GFI1: variants seen among roughly 807,000 people sequenced by gnomAD.
The protein encoded by GFI1 is growth factor independent 1 transcriptional repressor, also known as zinc finger protein Gfi-1.
In GFI1, 15 loss-of-function variants were observed where a neutral mutation model predicts 39.2. The observed-to-expected ratio is 0.38, with a 90% CI of 0.26 to 0.59. The LOEUF is 0.59. Ranked by LOEUF, GFI1 falls within the 20% of genes least tolerant of loss-of-function variation. The pLI is 0.62. For missense variants in GFI1, 475 were observed against 574.0 expected, an observed-to-expected ratio of 0.83 and a Z score of 1.76; for synonymous variants, 239 against 254.3, an observed-to-expected ratio of 0.94 and a Z score of 0.57.
rs151227933 is a variant in GFI1 at position 92,473,651 on chromosome 1, GC to G, written c.*2377del. 5.7e-3 allele frequency among the ~76,000 whole-genome samples: 863 copies of G among 152,286 alleles called. 7 individuals carry two copies. Among genetic ancestry groups the G allele is most frequent in the African/African-American group, 0.018 (757 of 41,544 alleles). On this transcript the variant is annotated 3_prime_UTR_variant, in exon 7 of 7. Transcript: ENST00000294702. Reference sequence around the variant, plus strand: ...GAAACCAGAGAAAAGCAGCATTCAAGCCCCCCTTTCCTGCCAACCTGGAGAG... The same window carrying G: ...GAAACCAGAGAAAAGCAGCATTCAAGCCCCCTTTCCTGCCAACCTGGAGAG...
At chr1:92,479,177 T>C (rs1368392487) in intron 5 of GFI1, among the ~76,000 whole-genome samples, 2 of 152,202 alleles carry the variant, frequency 1.3e-5, no homozygotes, top group Admixed American at 6.5e-5. Flanking sequence ...TTCAACACTT[T>C]TTCTACCAAA....
chr1:92,479,015 G>T (rs1355070407), intron 5 of GFI1, among the ~76,000 whole-genome samples: 1 of 152,062 alleles, frequency 6.6e-6, no homozygotes, highest in Non-Finnish European at 1.5e-5. Context: ...ACAGGCACAC[G>T]CCATCACACC....
chr1:92,479,961 T>G (rs1331524493), intron 5 of GFI1, among the ~76,000 whole-genome samples: 1 of 151,648 alleles, frequency 6.6e-6, no homozygotes, highest in African/African-American at 2.4e-5. Context: ...GCCTTTTCAG[T>G]CGAGAGGGGT....
chr1:92,485,388 T>A (rs1053861187), intron 1 of GFI1, among the ~76,000 whole-genome samples: 3 of 152,176 alleles, frequency 2.0e-5, no homozygotes, highest in Non-Finnish European at 4.4e-5. Context: ...CCACGTTGGC[T>A]GGGAGCGGGA....
At chr1:92,479,633 C>T (rs1388211435) in intron 5 of GFI1, among the ~76,000 whole-genome samples, 1 of 152,192 alleles carries the variant, frequency 6.6e-6, no homozygotes, top group Non-Finnish European at 1.5e-5. Flanking sequence ...TGGTGGATCA[C>T]TTGAGGCCAG....
In GFI1 at chr1:92,475,293, G is replaced by T. The variant is rs1325432; in HGVS notation, c.*736C>A. The T allele has an allele frequency of 0.16, 23,697 of 152,440 alleles. 2,055 individuals are homozygous for T. Among genetic ancestry groups the T allele is most frequent in the South Asian group, 0.23 (1,125 of 4,826 alleles). The allele number at this position is 152,440 out of a possible 1,614,324, so 9.4% of individuals were successfully genotyped here. A position where few individuals can be genotyped will look rare whatever the true frequency, so the allele number is the denominator to read the frequency against. On this transcript the variant is annotated 3_prime_UTR_variant, in exon 7 of 7. Coordinates refer to ENST00000294702, the MANE Select transcript of GFI1 (RefSeq NM_005263.5). ...CATCTTGTCCACAGGCATTGCTTGT[G>T]CTTTTACCTCCAGTGATGAGGTTTT...
rs1320128107 is a variant in GFI1, at chr1:92,481,662, G to A, written c.299-574C>T. On this transcript the variant is annotated intron_variant, in intron 3 of 6. Transcript: ENST00000294702. The surrounding 1 kb of genome is among the most constrained non-coding windows in gnomAD (Gnocchi z 4.3). ...GTCTGAATAAACCCGAAGGTATTAA[G>A]ATTTCACGAAGTTAAGTGCCCAGTG... Among the ~76,000 whole-genome samples the A allele has an allele frequency of 6.6e-6, 1 of 152,226 alleles. No homozygotes were observed. The highest frequency in any genetic ancestry group is 1.5e-5 in the Non-Finnish European group (1 of 68,040).
At position 92,474,927 on chromosome 1, in the gene GFI1, G is replaced by C. The variant is rs537406052; in HGVS notation, c.*1102C>G. On this transcript the variant is annotated 3_prime_UTR_variant, in exon 7 of 7. Coordinates refer to ENST00000294702, the MANE Select transcript of GFI1 (RefSeq NM_005263.5). ...ATGGAGGGTCAAAGAGTTGAAGACA[G>C]AGCCTTCCTTCCCACATGCCTGCTA... 6.6e-6 allele frequency: 1 copy of C among 152,456 alleles called. No individual in the cohort carries two copies. Among genetic ancestry groups the C allele is most frequent in the Non-Finnish European group, 1.5e-5 (1 of 68,032 alleles). 9.4% of individuals were successfully genotyped at this position (152,456 alleles called of 1,614,324 possible). A position where few individuals can be genotyped will look rare whatever the true frequency, so the allele number is the denominator to read the frequency against.
At position 92,482,513 on chromosome 1, in the gene GFI1, ATCC is replaced by A. The variant is rs1658307064; in HGVS notation, c.298+348_298+350del. On this transcript the variant is annotated intron_variant, in intron 3 of 6. Coordinates refer to ENST00000294702, the MANE Select transcript of GFI1 (RefSeq NM_005263.5). This position sits in a 1 kb window ranked among gnomAD's most constrained non-coding sequence, Gnocchi z 4.4. The stretch of plus-strand genomic sequence containing the variant: ...GAGGTTTGGGGGTCTAGATTGCAGG[ATCC>A]TAGCACTTTATAAAACAGTCAGGTC... 6.6e-6 allele frequency among the ~76,000 whole-genome samples: 1 copy of A among 152,160 alleles called. No individual in the cohort carries two copies. The highest frequency in any genetic ancestry group is 2.1e-4 in the South Asian group (1 of 4,826).
chr1:92,479,761 G>C (rs925733688), intron 5 of GFI1, among the ~76,000 whole-genome samples: 1 of 152,156 alleles, frequency 6.6e-6, no homozygotes, highest in Non-Finnish European at 1.5e-5. Flanking sequence ...GCTGAGGCAC[G>C]AGAATCACTT....
At chr1:92,476,789 A>T (rs1448272610) in intron 6 of GFI1, among the ~76,000 whole-genome samples, 1 of 151,756 alleles carries the variant, frequency 6.6e-6, no homozygotes. Flanking sequence ...TTTCTTTCTA[A>T]GTTCCGGGGT....
Position 92,474,499 on chromosome 1 carries a change from A to C in GFI1, c.*1530T>G, listed in dbSNP as rs936379992. On this transcript the variant is annotated 3_prime_UTR_variant, in exon 7 of 7. Coordinates refer to ENST00000294702, the MANE Select transcript of GFI1 (RefSeq NM_005263.5). ...TTACTTACGTGCCTGTGGAACCATC[A>C]GGGGCTCTACAAGGTAGTAGCTTAG... 3.9e-5 allele frequency among the ~76,000 whole-genome samples: 6 copies of C among 152,250 alleles called. No individual in the cohort carries two copies. The highest frequency in any genetic ancestry group is 2.0e-4 in the Admixed American group (3 of 15,286).
chr1:92,476,223 G>T lies in GFI1; in HGVS notation c.1091-16C>A. 5.6e-6 allele frequency: 9 copies of T among 1,606,032 alleles called. No individual in the cohort carries two copies. Among genetic ancestry groups the T allele is most frequent in the Non-Finnish European group, 7.7e-6 (9 of 1,175,238 alleles). Reference sequence around the variant, plus strand: ...GGCTTCTCACCTGTGGGGATGGGAGGGGGAGGGGAGAAAGTATGAGTCTAT... The same window carrying T: ...GGCTTCTCACCTGTGGGGATGGGAGTGGGAGGGGAGAAAGTATGAGTCTAT... On this transcript the variant is annotated splice_polypyrimidine_tract_variant and intron_variant, in intron 6 of 6. Transcript: ENST00000294702.
chr1:92,485,972 C>G (rs1255304114), intron 1 of GFI1: 1 of 152,266 alleles, frequency 6.6e-6, no homozygotes, highest in Non-Finnish European at 1.5e-5. Flanking sequence ...CGCGGCCGCC[C>G]CCACCAGGGC....
Position 92,482,472 on chromosome 1 carries a change from G to T in GFI1, c.298+392C>A, listed in dbSNP as rs1309768590. Among the ~76,000 whole-genome samples, 1 of 152,162 alleles carries T rather than the reference G, an allele frequency of 6.6e-6. No individual in the cohort carries two copies. Among genetic ancestry groups the T allele is most frequent in the Non-Finnish European group, 1.5e-5 (1 of 68,036 alleles). ...CTAGCTCCTCTGCCTGGCCCGTTCT[G>T]CCCTGTTCTCTGTTTGAGGTTTGGG... On this transcript the variant is annotated intron_variant, in intron 3 of 6. Transcript: ENST00000294702. This position sits in a 1 kb window ranked among gnomAD's most constrained non-coding sequence, Gnocchi z 4.4.
chr1:92,474,792 A>G lies in GFI1; in HGVS notation c.*1237T>C, dbSNP rs945135165. 1.3e-5 allele frequency: 2 copies of G among 152,642 alleles called. No homozygotes were observed. The highest frequency in any genetic ancestry group is 2.9e-5 in the Non-Finnish European group (2 of 68,044). The allele number at this position is 152,642 out of a possible 1,614,324, so 9.5% of individuals were successfully genotyped here. A position where few individuals can be genotyped will look rare whatever the true frequency, so the allele number is the denominator to read the frequency against. On this transcript the variant is annotated 3_prime_UTR_variant, in exon 7 of 7. Transcript: ENST00000294702. ...TCTTAATACTTTATTAACTTAAAAC[A>G]TCACTCTAATAAATATGTATTAACA...
In GFI1 at chr1:92,480,351, C is replaced by T. The variant is rs1658165613; in HGVS notation, c.921G>A (p.Ser307=). The T allele has an allele frequency of 6.5e-7, 1 of 1,549,244 alleles. No homozygotes were observed. Among genetic ancestry groups the T allele is most frequent in the Non-Finnish European group, 8.7e-7 (1 of 1,146,598 alleles). Residue 307 remains serine, a synonymous_variant, in exon 5 of 7, where the codon TCG becomes TCA. Coordinates refer to ENST00000294702, the MANE Select transcript of GFI1 (RefSeq NM_005263.5). This position sits in a 1 kb window ranked among gnomAD's most constrained non-coding sequence, Gnocchi z 5.6. ...VSLEQHKAVH[S]QERSFDCKIC... is the part of the protein sequence containing the mutation. ...CGGCGGTGCGCCCCGCGCTTACCTG[C>T]GAGTGCACGGCTTTGTGCTGCTCCA... is the stretch of plus-strand genomic sequence containing the variant.
chr1:92,481,285 G>A lies in GFI1; in HGVS notation c.299-197C>T, dbSNP rs1223638291. 6.6e-6 allele frequency among the ~76,000 whole-genome samples: 1 copy of A among 152,242 alleles called. No individual in the cohort carries two copies. The highest frequency in any genetic ancestry group is 2.1e-4 in the South Asian group (1 of 4,834). On this transcript the variant is annotated intron_variant, in intron 3 of 6. Transcript: ENST00000294702. The surrounding 1 kb of genome is among the most constrained non-coding windows in gnomAD (Gnocchi z 4.3). Reference sequence around the variant, plus strand: ...TGGGGCCTCGCAGGCCACTATAGGAGGCAGAACAGTAAACAGATCATTGAA... The same window carrying A: ...TGGGGCCTCGCAGGCCACTATAGGAAGCAGAACAGTAAACAGATCATTGAA...
At chr1:92,485,234 G>A (rs1658471926) in intron 1 of GFI1, among the ~76,000 whole-genome samples, 2 of 152,198 alleles carry the variant, frequency 1.3e-5, no homozygotes, top group Admixed American at 6.5e-5. Flanking sequence ...GGCTCCTAGG[G>A]CTAGAGCTTT....
Sources: allele counts gnomAD v4.1 joint callset (sites outside exome capture counted in the v4.1 genomes callset), GRCh38; gene constraint gnomAD v4.1.1; non-coding constraint Gnocchi (gnomAD v3.1); transcripts MANE v1.5; gene names NCBI Gene and HGNC (gene_info 2026-07-23, HGNC 2026-07-21).